Variants in FBN2 observed in about 807,000 individuals in gnomAD.
FBN2 encodes the protein fibrillin-2.
Under a neutral mutation model 355.6 loss-of-function variants are expected in FBN2, and 105 were observed. That is an observed-to-expected ratio of 0.30 (90% CI 0.25 to 0.35). The LOEUF is 0.35. Among genes scored for constraint, FBN2 ranks in the 10% least tolerant of loss-of-function variants. The pLI is 1.00. For synonymous variants in FBN2, 1,350 were observed against 1,301.2 expected, an observed-to-expected ratio of 1.04 and a Z score of -0.81; for missense variants, 3,280 against 3,758.7, an observed-to-expected ratio of 0.87 and a Z score of 3.33.
At chr5:128,453,329 T>A (rs1754304341) in intron 6 of FBN2, among the ~76,000 whole-genome samples, 1 of 152,170 alleles carries the variant, frequency 6.6e-6, no homozygotes, top group Non-Finnish European at 1.5e-5. Context: ...TTATGTCACA[T>A]CACTTCATCA....
At chr5:128,306,629 A>T (rs1749890205) in intron 42 of FBN2, among the ~76,000 whole-genome samples, 1 of 152,190 alleles carries the variant, frequency 6.6e-6, no homozygotes, top group Non-Finnish European at 1.5e-5. Flanking sequence ...TCTCAAAAAA[A>T]AAAATTATAT....
At chr5:128,300,742 G>A (rs974161275) in intron 48 of FBN2, 75 bp downstream of exon 48, 22 of 1,482,308 alleles carry the variant, frequency 1.5e-5, no homozygotes, top group Non-Finnish European at 2.1e-5. Flanking sequence ...TTGGCACTTA[G>A]TATGTTTCCA....
intron 5 of FBN2, among the ~76,000 whole-genome samples, chr5:128,494,764 G>A (rs1755609639): frequency 6.6e-6 from 1 of 152,150 alleles, no homozygotes; most frequent in Non-Finnish European, 1.5e-5. Context: ...CACTAAGATC[G>A]TCCAGCCAAG....
chr5:128,419,546 C>CT (rs1333138587), intron 7 of FBN2, among the ~76,000 whole-genome samples: 4 of 151,900 alleles, frequency 2.6e-5, no homozygotes, highest in East Asian at 3.9e-4. Context: ...AGGGTATTGG[C>CT]TTTTTTTCAA....
chr5:128,464,445 G>A (rs1437594834), intron 6 of FBN2, among the ~76,000 whole-genome samples: 1 of 152,082 alleles, frequency 6.6e-6, no homozygotes, highest in Non-Finnish European at 1.5e-5. Flanking sequence ...GATAAAAATA[G>A]AGTGGTTCAT....
chr5:128,507,872 C>T (rs1756007532), intron 5 of FBN2, among the ~76,000 whole-genome samples: 1 of 152,014 alleles, frequency 6.6e-6, no homozygotes, highest in Admixed American at 6.6e-5. Flanking sequence ...AGAGGGGGTA[C>T]TGAAATCTCC....
intron 56 of FBN2, 121 bp downstream of exon 56, chr5:128,280,071 G>A (rs147323219): frequency 1.3e-6 from 1 of 794,778 alleles, no homozygotes; most frequent in African/African-American, 1.7e-5. Context: ...AGAAGCATGT[G>A]GATTATTGAG....
chr5:128,468,125 C>T (rs1754763310), intron 5 of FBN2, among the ~76,000 whole-genome samples: 1 of 152,160 alleles, frequency 6.6e-6, no homozygotes, highest in African/African-American at 2.4e-5. Context: ...CTCAGTCAAC[C>T]ACTAATCTAG....
At chr5:128,289,994 T>A in intron 50 of FBN2, 47 bp from the exon 51 acceptor site, 1 of 1,087,434 alleles carries the variant, frequency 9.2e-7, no homozygotes, top group Non-Finnish European at 1.4e-6. Context: ...CTTGAAATTA[T>A]CAAAGAACTT....
chr5:128,332,741 A>G lies in FBN2; in HGVS notation c.4222+171T>C, dbSNP rs192649736. Among the ~76,000 whole-genome samples the G allele has an allele frequency of 6.6e-5, 10 of 152,366 alleles. No individual in the cohort carries two copies. The East Asian group carries it at 1.9e-3, about 29-fold the overall frequency. On this transcript the variant is annotated intron_variant, in intron 32 of 64. Coordinates refer to ENST00000262464, the MANE Select transcript of FBN2 (RefSeq NM_001999.4). ...GCCAAGGCATACTGTTGAAATTTTG[A>G]TAATTTATATTAAGGGTAAAGGACA...
chr5:128,390,343 A>G (rs1471344871), intron 11 of FBN2, among the ~76,000 whole-genome samples: 1 of 151,672 alleles, frequency 6.6e-6, no homozygotes, highest in Non-Finnish European at 1.5e-5. Context: ...ATTCAAAACT[A>G]TTTTCACAAT....
chr5:128,330,449 A>G (rs1750663512), intron 33 of FBN2, 124 bp downstream of exon 33: 1 of 942,394 alleles, frequency 1.1e-6, no homozygotes, highest in South Asian at 1.4e-5. Flanking sequence ...GTCACCTGCA[A>G]GTCAAGTATA....
chr5:128,446,988 C>A (rs1754082720), intron 6 of FBN2, among the ~76,000 whole-genome samples: 1 of 152,192 alleles, frequency 6.6e-6, no homozygotes, highest in Non-Finnish European at 1.5e-5. Context: ...GTCTTTACTG[C>A]AATCTCTGAA....
chr5:128,311,271 G>A (rs768129281), intron 39 of FBN2, 29 bp downstream of exon 39: 2 of 1,613,474 alleles, frequency 1.2e-6, no homozygotes, highest in Middle Eastern at 1.7e-4. Context: ...AAACAGCACT[G>A]AGCATTTTAG....
At chr5:128,465,688 T>C (rs1754694242) in intron 5 of FBN2, among the ~76,000 whole-genome samples, 1 of 152,232 alleles carries the variant, frequency 6.6e-6, no homozygotes, top group Admixed American at 6.5e-5. Context: ...ATCGCTCCTC[T>C]CTAGCAAGTG....
At chr5:128,396,672 A>G (rs1752658710) in intron 8 of FBN2, among the ~76,000 whole-genome samples, 1 of 152,266 alleles carries the variant, frequency 6.6e-6, no homozygotes, top group African/African-American at 2.4e-5. Context: ...AAAGTTGCAT[A>G]GGGATAAATT....
At chr5:128,342,604 C>T (rs896769315) in intron 25 of FBN2, among the ~76,000 whole-genome samples, 7 of 152,054 alleles carry the variant, frequency 4.6e-5, no homozygotes, top group Middle Eastern at 3.4e-3. Flanking sequence ...GAGAGAGGAG[C>T]GAACCTGCTG....
At chr5:128,499,367 G>T (rs1030437148) in intron 5 of FBN2, among the ~76,000 whole-genome samples, 1 of 152,106 alleles carries the variant, frequency 6.6e-6, no homozygotes, top group African/African-American at 2.4e-5. Context: ...TACTTTGTAA[G>T]GGCCTCATGC....
intron 7 of FBN2, among the ~76,000 whole-genome samples, chr5:128,414,983 T>C (rs964679955): frequency 1.6e-4 from 24 of 152,328 alleles, no homozygotes; most frequent in Admixed American, 1.4e-3. Context: ...CTTATGTTTT[T>C]AACGAATGAG....
Sources: allele counts gnomAD v4.1 joint callset (sites outside exome capture counted in the v4.1 genomes callset), GRCh38; gene constraint gnomAD v4.1.1; transcripts MANE v1.5; gene names NCBI Gene and HGNC (gene_info 2026-07-23, HGNC 2026-07-21).